PRRC2C: variants seen among roughly 807,000 people sequenced by gnomAD.
The protein encoded by PRRC2C is proline rich coiled-coil 2C.
PRRC2C carries 72 observed loss-of-function variants against 317.2 expected under a neutral mutation model. The observed-to-expected ratio is 0.23, with a 90% CI of 0.19 to 0.28. PRRC2C has a LOEUF of 0.28. Among genes scored for constraint, PRRC2C ranks in the 10% least tolerant of loss-of-function variants. PRRC2C has a pLI of 1.00. For synonymous variants in PRRC2C, 1,296 were observed against 1,205.9 expected (o/e 1.07, Z -1.55); for missense variants, 3,074 against 3,459.7 (o/e 0.89, Z 2.80).
At chr1:171,496,774 C>CGTGTGT (rs71688813) in intron 1 of PRRC2C, among the ~76,000 whole-genome samples, 7,580 of 146,818 alleles carry the variant, frequency 0.052, 290 homozygotes, top group African/African-American at 0.12. Flanking sequence ...ACATTTGGGG[C>CGTGTGT]GTGTGTGTGT....
Position 171,541,102 on chromosome 1 carries a change from T to C in PRRC2C, c.3636T>C (p.Gly1212=). ...YRGSYGGRGR[G]GRGHTRDYPQ... ...GTTCTTATGGAGGGCGTGGCAGGGGTGGTAGGGGACACACTCGAGATTATC... is the reference window on the plus strand; with the variant it reads ...GTTCTTATGGAGGGCGTGGCAGGGGCGGTAGGGGACACACTCGAGATTATC... Residue 1212 remains glycine (G), a synonymous_variant, in exon 16 of 35, where the codon GGT becomes GGC. Coordinates refer to ENST00000647382, the MANE Select transcript of PRRC2C (RefSeq NM_001387844.1). This position sits in a 1 kb window ranked among gnomAD's most constrained non-coding sequence, Gnocchi z 4.1. 1 of 1,610,834 alleles carries C rather than the reference T, an allele frequency of 6.2e-7. No homozygotes were observed. The highest frequency in any genetic ancestry group is 8.5e-7 in the Non-Finnish European group (1 of 1,179,050).
At position 171,584,012 on chromosome 1, in the gene PRRC2C, G is replaced by C. The variant is rs754569098; in HGVS notation, c.7466G>C (p.Gly2489Ala). ...SLSQPSVVLS[G>A]TAIHNFPTVQ... ...TCCCAGCCATCTGTGGTCCTTTCTG[G>C]TACTGCTATTCACAACTTTCCAACT... Residue 2489 changes from glycine (G) to alanine (A), a missense_variant, in exon 29 of 35, where the codon GGT (glycine) becomes GCT (alanine). Around this residue, in one of 11 missense-constraint regions of PRRC2C, gnomAD observed 490 missense variants for 663.1 expected, o/e 0.74. Coordinates refer to ENST00000647382, the MANE Select transcript of PRRC2C (RefSeq NM_001387844.1). The C allele has an allele frequency of 1.9e-6, 3 of 1,613,766 alleles. No homozygotes were observed. The African/African-American group carries it at 4.0e-5, about 22-fold the overall frequency.
intron 28 of PRRC2C, among the ~76,000 whole-genome samples, chr1:171,580,718 T>TA (rs1319103263): frequency 2.6e-5 from 4 of 152,138 alleles, no homozygotes; most frequent in Non-Finnish European, 4.4e-5. Context: ...GTTTCCAGTT[T>TA]AATGAGGGAA....
Position 171,532,654 on chromosome 1 carries a change from A to G in PRRC2C, c.1566A>G (p.Glu522=). The G allele has an allele frequency of 6.4e-7, 1 of 1,551,788 alleles. No homozygotes were observed. Among genetic ancestry groups the G allele is most frequent in the South Asian group, 1.2e-5 (1 of 84,010 alleles). ...EKEREREKEL[E]KEQEQEREKE... Reference sequence around the variant, plus strand: ...AACGGGAGCGTGAGAAAGAACTTGAAAAAGAACAAGAACAGGAGCGAGAGA... The same window carrying G: ...AACGGGAGCGTGAGAAAGAACTTGAGAAAGAACAAGAACAGGAGCGAGAGA... Residue 522 remains glutamate, a synonymous_variant, in exon 12 of 35, where the codon GAA becomes GAG. Transcript: ENST00000647382.
At chr1:171,577,224 T>C (rs956857252) in intron 25 of PRRC2C, among the ~76,000 whole-genome samples, 2 of 152,232 alleles carry the variant, frequency 1.3e-5, no homozygotes, top group Non-Finnish European at 2.9e-5. Context: ...TTTTCTGTTG[T>C]TTATTGTTCC....
intron 6 of PRRC2C, 24 bp from the exon 7 acceptor site, chr1:171,522,153 C>T: frequency 7.1e-7 from 1 of 1,414,836 alleles, no homozygotes; most frequent in Non-Finnish European, 9.7e-7. Context: ...AAATTTATCA[C>T]AATTTTTTGT....
chr1:171,539,992 G>C lies in PRRC2C; in HGVS notation c.2526G>C (p.Gln842His). ...ATAGGTCTGAAGCTGCGTTGGACCA[G>C]GAACAGATTACTGCTGCTTATTCTG... ...EDVRSEAALD[Q>H]EQITAAYSVE... Residue 842 changes from glutamine (Q) to histidine (H), a missense_variant, in exon 16 of 35, where the codon CAG becomes CAC. Gln to His is a conservative substitution (Grantham distance 24). Transcript: ENST00000647382. The C allele has an allele frequency of 6.2e-7, 1 of 1,611,778 alleles. No individual in the cohort carries two copies. The highest frequency in any genetic ancestry group is 8.5e-7 in the Non-Finnish European group (1 of 1,179,094).
At chr1:171,579,714 A>T in intron 27 of PRRC2C, 114 bp from the exon 28 acceptor site, 3 of 1,325,364 alleles carry the variant, frequency 2.3e-6, no homozygotes, top group Non-Finnish European at 3.0e-6. Flanking sequence ...AATGGAGCTG[A>T]TATATAGTAT....
chr1:171,583,574 A>G (rs933839033), intron 28 of PRRC2C, among the ~76,000 whole-genome samples: 2 of 152,246 alleles, frequency 1.3e-5, no homozygotes, highest in Non-Finnish European at 2.9e-5. Flanking sequence ...TAAAATAACC[A>G]GAAAATGTAT....
At chr1:171,556,505 C>T (rs777340230) in intron 18 of PRRC2C, among the ~76,000 whole-genome samples, 7 of 152,226 alleles carry the variant, frequency 4.6e-5, no homozygotes, top group Non-Finnish European at 8.8e-5. Flanking sequence ...TCTTCTGCGT[C>T]AATCACACTG....
At chr1:171,495,836 A>G (rs1239218296) in intron 1 of PRRC2C, among the ~76,000 whole-genome samples, 1 of 152,188 alleles carries the variant, frequency 6.6e-6, no homozygotes, top group African/African-American at 2.4e-5. Context: ...ATAACAAAAT[A>G]GTATAGACTG....
chr1:171,521,902 TGATA>T (rs1183036317), intron 6 of PRRC2C, among the ~76,000 whole-genome samples: 1 of 152,240 alleles, frequency 6.6e-6, no homozygotes, highest in Non-Finnish European at 1.5e-5. Context: ...CATATCTTGT[TGATA>T]GTTACTTTAA....
At chr1:171,558,386 T>G (rs235483) in intron 19 of PRRC2C, among the ~76,000 whole-genome samples, 3 of 151,650 alleles carry the variant, frequency 2.0e-5, no homozygotes, top group African/African-American at 7.3e-5. Flanking sequence ...TTTGGGGGGG[T>G]CTTGTACATG....
chr1:171,526,935 A>G (rs1037581133), intron 10 of PRRC2C, among the ~76,000 whole-genome samples: 3 of 148,090 alleles, frequency 2.0e-5, no homozygotes, highest in Non-Finnish European at 3.0e-5. Context: ...CAGCCTCCCA[A>G]GTAGCTGGGA....
Position 171,545,602 on chromosome 1 carries a change from A to G in PRRC2C, c.4887A>G (p.Lys1629=), listed in dbSNP as rs561781011. The change falls in exon 17 of 35, where the codon AAA becomes AAG. Residue 1629 remains lysine, a synonymous_variant. Transcript: ENST00000647382. ...GQKNSKDSTG[K]KREDPKPGPK... is the part of the protein sequence containing the mutation. ...AGAACTCCAAAGATTCTACTGGGAA[A>G]AAAAGAGAAGACCCCAAACCAGGCC... 1.2e-6 allele frequency: 2 copies of G among 1,612,450 alleles called. No homozygotes were observed. The highest frequency in any genetic ancestry group is 2.2e-5 in the East Asian group (1 of 44,844).
At chr1:171,568,387 A>G (rs1345642212) in intron 23 of PRRC2C, 48 bp downstream of exon 23, 5 of 1,553,942 alleles carry the variant, frequency 3.2e-6, no homozygotes, top group East Asian at 2.4e-5. Context: ...GAACCTGGCT[A>G]TTATTATCAA....
chr1:171,535,401 A>G (rs1676636888), intron 12 of PRRC2C, 27 bp from the exon 13 acceptor site: 4 of 1,598,668 alleles, frequency 2.5e-6, no homozygotes, highest in African/African-American at 2.7e-5. Context: ...GATGAATACT[A>G]TTACCTTTCA....
intron 1 of PRRC2C, among the ~76,000 whole-genome samples, chr1:171,498,211 T>C (rs1043029123): frequency 2.6e-5 from 4 of 152,164 alleles, no homozygotes; most frequent in African/African-American, 9.7e-5. Context: ...CATTCTCTTC[T>C]GACTTCCTCT....
chr1:171,557,410 C>A lies in PRRC2C; in HGVS notation c.5298C>A (p.Ala1766=). The change falls in exon 19 of 35, where the codon GCC becomes GCA. Residue 1766 remains alanine (A), a synonymous_variant. Transcript: ENST00000647382. ...LPPSTSASVP[A]STSAPLPATL... ...CTTCAACCTCAGCTTCAGTTCCAGC[C>A]TCAACCTCAGCTCCACTTCCGGCAA... The A allele has an allele frequency of 6.5e-7, 1 of 1,547,228 alleles. No homozygotes were observed. The highest frequency in any genetic ancestry group is 8.7e-7 in the Non-Finnish European group (1 of 1,143,786).
Sources: allele counts gnomAD v4.1 joint callset (sites outside exome capture counted in the v4.1 genomes callset), GRCh38; gene constraint gnomAD v4.1.1; regional missense constraint gnomAD v4.1.1; non-coding constraint Gnocchi (gnomAD v3.1); transcripts MANE v1.5; gene names NCBI Gene and HGNC (gene_info 2026-07-23, HGNC 2026-07-21).